ITGBL1: variants seen among roughly 807,000 people sequenced by gnomAD.
ITGBL1 encodes integrin beta-like protein 1.
A neutral mutation model predicts 68.5 loss-of-function variants in ITGBL1; 51 were observed. The observed-to-expected ratio is 0.74, with a 90% CI of 0.59 to 0.94. The LOEUF (loss-of-function observed/expected upper bound fraction) is 0.94. Among genes scored for constraint, ITGBL1 ranks in the 40% least tolerant of loss-of-function variants. ITGBL1 has a pLI of 0.00. For missense variants in ITGBL1, 649 were observed against 647.4 expected, an observed-to-expected ratio of 1.00 and a Z score of -0.03; for synonymous variants, 209 against 227.3, an observed-to-expected ratio of 0.92 and a Z score of 0.72.
chr13:101,685,270 A>G (rs1358606832), intron 7 of ITGBL1, among the ~76,000 whole-genome samples: 1 of 152,046 alleles, frequency 6.6e-6, no homozygotes, highest in Non-Finnish European at 1.5e-5. Flanking sequence ...GCAAAGTTGT[A>G]TAAGTTCATT....
intron 4 of ITGBL1, among the ~76,000 whole-genome samples, chr13:101,576,955 A>ATG (rs1275092711): frequency 3.8e-5 from 4 of 104,718 alleles, no homozygotes; most frequent in African/African-American, 1.1e-4. Context: ...TATAGATGGA[A>ATG]AAAAAAAAAA....
chr13:101,546,470 C>T (rs2049825868), intron 2 of ITGBL1, among the ~76,000 whole-genome samples: 1 of 151,136 alleles, frequency 6.6e-6, no homozygotes, highest in South Asian at 2.1e-4. Flanking sequence ...ACAGAATAAA[C>T]CTAAAAAAGT....
At chr13:101,573,646 A>G (rs1430236571) in intron 3 of ITGBL1, among the ~76,000 whole-genome samples, 2 of 152,166 alleles carry the variant, frequency 1.3e-5, no homozygotes, top group Non-Finnish European at 2.9e-5. Flanking sequence ...CAGCAGTTCT[A>G]TGAAGCAGAG....
At chr13:101,623,747 A>G (rs370522217) in intron 7 of ITGBL1, among the ~76,000 whole-genome samples, 1 of 152,224 alleles carries the variant, frequency 6.6e-6, no homozygotes, top group Non-Finnish European at 1.5e-5. Context: ...AAAGTGGACA[A>G]TTAACAAATG....
intron 2 of ITGBL1, among the ~76,000 whole-genome samples, chr13:101,491,929 A>T (rs752992792): frequency 4.6e-5 from 7 of 152,112 alleles, no homozygotes; most frequent in Non-Finnish European, 7.4e-5. Context: ...GGTGGTTTCC[A>T]CCTTCATCCA....
At chr13:101,618,085 C>T (rs2031436812) in intron 7 of ITGBL1, among the ~76,000 whole-genome samples, 1 of 152,138 alleles carries the variant, frequency 6.6e-6, no homozygotes, top group Non-Finnish European at 1.5e-5. Flanking sequence ...CTGCTATTTA[C>T]CTCTTACATA....
downstream of ITGBL1, chr13:101,720,323 A>G (rs190051797): frequency 2.0e-5 from 3 of 152,278 alleles, no homozygotes; most frequent in Admixed American, 6.5e-5. Flanking sequence ...ATATATTAGA[A>G]GAAAGTATTT....
At chr13:101,653,698 CT>C (rs3063728) in intron 7 of ITGBL1, among the ~76,000 whole-genome samples, 2 of 150,284 alleles carry the variant, frequency 1.3e-5, no homozygotes, top group East Asian at 2.0e-4. Flanking sequence ...GAGAAGGCTT[CT>C]TTTTTTTTGA....
At chr13:101,653,875 T>C (rs1485535359) in intron 7 of ITGBL1, among the ~76,000 whole-genome samples, 1 of 147,714 alleles carries the variant, frequency 6.8e-6, no homozygotes, top group African/African-American at 2.5e-5. Context: ...TTTTTGTTTT[T>C]TTTTTTTTGT....
intron 6 of ITGBL1, among the ~76,000 whole-genome samples, chr13:101,589,527 G>A (rs1467397285): frequency 6.6e-6 from 1 of 152,116 alleles, no homozygotes; most frequent in African/African-American, 2.4e-5. Flanking sequence ...TCAAATCCTG[G>A]TGGTAAAGCA....
intron 7 of ITGBL1, among the ~76,000 whole-genome samples, chr13:101,624,585 T>C (rs917422317): frequency 6.6e-6 from 1 of 152,188 alleles, no homozygotes; most frequent in Non-Finnish European, 1.5e-5. Flanking sequence ...AGTGAACATC[T>C]GTGCTTTCTC....
chr13:101,630,131 T>C (rs890651059), intron 7 of ITGBL1, among the ~76,000 whole-genome samples: 10 of 152,172 alleles, frequency 6.6e-5, no homozygotes, highest in African/African-American at 2.2e-4. Context: ...CTTATTTATT[T>C]TTTTGTTAAA....
chr13:101,654,662 C>T (rs1041245267), intron 7 of ITGBL1, among the ~76,000 whole-genome samples: 1 of 152,018 alleles, frequency 6.6e-6, no homozygotes, highest in Non-Finnish European at 1.5e-5. Flanking sequence ...ATTTGAGGTG[C>T]TTATGATATA....
chr13:101,455,973 C>A (rs897972291), intron 2 of ITGBL1, among the ~76,000 whole-genome samples: 2 of 152,014 alleles, frequency 1.3e-5, no homozygotes, highest in Non-Finnish European at 2.9e-5. Flanking sequence ...ATTCACTTTC[C>A]CTGTTGAAGA....
chr13:101,646,928 C>T (rs1033057858), intron 7 of ITGBL1, among the ~76,000 whole-genome samples: 28 of 152,170 alleles, frequency 1.8e-4, no homozygotes, highest in African/African-American at 6.5e-4. Flanking sequence ...AGTTTTATAA[C>T]ATATATTGTA....
chr13:101,539,459 C>A (rs188452643), intron 2 of ITGBL1, among the ~76,000 whole-genome samples: 1 of 151,886 alleles, frequency 6.6e-6, no homozygotes, highest in Non-Finnish European at 1.5e-5. Flanking sequence ...AATTGTTGGA[C>A]ATTTGGGTTG....
chr13:101,504,224 C>A lies in ITGBL1; in HGVS notation c.316+50124C>A, dbSNP rs146783321. Reference sequence around the variant, plus strand: ...ACTTATTTTTTAAAAAGTTAAAGATCTGTTTTTCTTATAAAACTGTTCATC... The same window carrying A: ...ACTTATTTTTTAAAAAGTTAAAGATATGTTTTTCTTATAAAACTGTTCATC... On this transcript the variant is annotated intron_variant, in intron 2 of 10. Transcript: ENST00000376180. Among the ~76,000 whole-genome samples, 299 of 152,274 alleles carry A rather than the reference C, an allele frequency of 2.0e-3. 1 individual carries two copies. The highest frequency in any genetic ancestry group is 6.9e-3 in the African/African-American group (286 of 41,558).
chr13:101,535,888 A>C (rs2049566311), intron 2 of ITGBL1, among the ~76,000 whole-genome samples: 1 of 152,140 alleles, frequency 6.6e-6, no homozygotes, highest in Non-Finnish European at 1.5e-5. Context: ...TATAAGTTGA[A>C]TATTGATAAT....
intron 2 of ITGBL1, among the ~76,000 whole-genome samples, chr13:101,538,921 A>C (rs1255925753): frequency 6.6e-6 from 1 of 152,150 alleles, no homozygotes; most frequent in Non-Finnish European, 1.5e-5. Flanking sequence ...TTTACAGATG[A>C]ATATTCTGTG....
Sources: gnomAD v4.1 joint callset for allele counts (sites outside exome capture counted in the v4.1 genomes callset) on GRCh38, gnomAD v4.1.1 for gene constraint, MANE v1.5 for transcripts, NCBI Gene and HGNC (gene_info 2026-07-23, HGNC 2026-07-21) for gene names.